The following FRMD4A variants were observed in gnomAD, a reference collection of about 807,000 sequenced individuals.
FRMD4A encodes the protein FERM domain-containing protein 4A.
FRMD4A carries 29 observed loss-of-function variants against 129.1 expected under a neutral mutation model. The observed-to-expected ratio is 0.22, with a 90% CI of 0.17 to 0.31. The LOEUF is 0.31. Among genes scored for constraint, FRMD4A ranks in the 10% least tolerant of loss-of-function variants. FRMD4A has a pLI of 1.00. For missense variants in FRMD4A, 1,272 were observed against 1,375.8 expected, an observed-to-expected ratio of 0.92 and a Z score of 1.19; for synonymous variants, 634 against 571.6, an observed-to-expected ratio of 1.11 and a Z score of -1.56.
intron 2 of FRMD4A, among the ~76,000 whole-genome samples, chr10:13,887,811 T>C (rs2094642803): frequency 6.6e-6 from 1 of 152,186 alleles, no homozygotes; most frequent in African/African-American, 2.4e-5. Context: ...GTGATAGGGA[T>C]TTTTAAAATA....
intron 2 of FRMD4A, among the ~76,000 whole-genome samples, chr10:14,010,634 C>T (rs1419904423): frequency 1.5e-5 from 2 of 132,032 alleles, no homozygotes; most frequent in Non-Finnish European, 3.2e-5. Flanking sequence ...CGGAGACTTA[C>T]ATATTCAAAA....
At chr10:13,871,774 T>TG (rs1490639480) in intron 2 of FRMD4A, among the ~76,000 whole-genome samples, 9 of 152,180 alleles carry the variant, frequency 5.9e-5, no homozygotes, top group Non-Finnish European at 1.3e-4. Context: ...ATGCCAAGCG[T>TG]GGGAAGGAGG....
intron 2 of FRMD4A, among the ~76,000 whole-genome samples, chr10:14,313,155 C>A (rs762809828): frequency 4.7e-4 from 72 of 151,602 alleles, no homozygotes; most frequent in Non-Finnish European, 1.0e-3. Flanking sequence ...GAGTTCCTGA[C>A]CAGCTTGGGC....
chr10:14,056,728 C>T (rs1214331025), intron 2 of FRMD4A, among the ~76,000 whole-genome samples: 1 of 152,208 alleles, frequency 6.6e-6, no homozygotes, highest in Non-Finnish European at 1.5e-5. Flanking sequence ...GGAGACCTCT[C>T]ACCATCTGCC....
intron 12 of FRMD4A, among the ~76,000 whole-genome samples, chr10:13,733,393 T>C (rs2090435210): frequency 6.6e-6 from 1 of 152,150 alleles, no homozygotes; most frequent in Non-Finnish European, 1.5e-5. Flanking sequence ...CCCTAGAAGC[T>C]AACAAAACTA....
At chr10:14,108,197 G>C (rs973320305) in intron 2 of FRMD4A, among the ~76,000 whole-genome samples, 3 of 152,068 alleles carry the variant, frequency 2.0e-5, no homozygotes, top group African/African-American at 4.8e-5. Flanking sequence ...CTTACTATTA[G>C]CGAGACCAGC....
At chr10:14,033,004 T>C (rs977071278) in intron 2 of FRMD4A, among the ~76,000 whole-genome samples, 1 of 152,202 alleles carries the variant, frequency 6.6e-6, no homozygotes, top group African/African-American at 2.4e-5. Flanking sequence ...CTCCACTACG[T>C]TCTTTTAAGA....
chr10:14,078,995 T>C (rs924637827), intron 2 of FRMD4A, among the ~76,000 whole-genome samples: 1 of 152,230 alleles, frequency 6.6e-6, no homozygotes, highest in Non-Finnish European at 1.5e-5. Flanking sequence ...GAGCTTGAGA[T>C]AGTCAGAGGA....
chr10:13,959,847 C>T (rs1206978577), intron 2 of FRMD4A, among the ~76,000 whole-genome samples: 1 of 152,202 alleles, frequency 6.6e-6, no homozygotes, highest in Non-Finnish European at 1.5e-5. Context: ...CAGGCACTTC[C>T]CCTCGCTCTG....
At chr10:14,281,686 C>A (rs1245118340) in intron 2 of FRMD4A, among the ~76,000 whole-genome samples, 1 of 152,206 alleles carries the variant, frequency 6.6e-6, no homozygotes, top group East Asian at 1.9e-4. Context: ...ACTCCAGAAC[C>A]TTTTACTCTC....
chr10:14,327,098 C>G, intron 2 of FRMD4A: 6 of 397,280 alleles, frequency 1.5e-5, no homozygotes, highest in Non-Finnish European at 2.7e-5. Flanking sequence ...TCCCAGCTGA[C>G]CGCAACCCAG....
intron 2 of FRMD4A, among the ~76,000 whole-genome samples, chr10:13,896,728 A>G (rs2094762808): frequency 6.6e-6 from 1 of 152,222 alleles, no homozygotes; most frequent in African/African-American, 2.4e-5. Context: ...AACTTGATGA[A>G]TAAAATAAAA....
intron 8 of FRMD4A, among the ~76,000 whole-genome samples, chr10:13,756,785 G>A (rs1380273138): frequency 6.6e-6 from 1 of 152,128 alleles, no homozygotes; most frequent in Non-Finnish European, 1.5e-5. Context: ...TTCAGTTAAG[G>A]TCCCTTATAG....
chr10:14,239,394 G>A (rs976982992), intron 2 of FRMD4A, among the ~76,000 whole-genome samples: 33 of 152,256 alleles, frequency 2.2e-4, no homozygotes, highest in African/African-American at 7.0e-4. Context: ...TTGGGAGGCC[G>A]AGGCGGGCGG....
At chr10:14,149,943 G>A (rs1409679883) in intron 2 of FRMD4A, among the ~76,000 whole-genome samples, 3 of 152,216 alleles carry the variant, frequency 2.0e-5, no homozygotes, top group Admixed American at 6.5e-5. Flanking sequence ...AGTTCCACAG[G>A]CTGTACAGGA....
chr10:14,211,786 G>T (rs1013547815), intron 2 of FRMD4A, among the ~76,000 whole-genome samples: 1 of 152,182 alleles, frequency 6.6e-6, no homozygotes, highest in African/African-American at 2.4e-5. Flanking sequence ...TCACAAGAAT[G>T]ATTCAAATTA....
chr10:13,680,273 A>G (rs1219219228), intron 15 of FRMD4A, among the ~76,000 whole-genome samples: 1 of 151,758 alleles, frequency 6.6e-6, no homozygotes, highest in African/African-American at 2.4e-5. Context: ...CCTGGGCAAC[A>G]TGGTGAGACT....
intron 2 of FRMD4A, among the ~76,000 whole-genome samples, chr10:13,970,187 A>G (rs2131380483): frequency 6.6e-6 from 1 of 152,270 alleles, no homozygotes. Context: ...TTTATATATG[A>G]TCTATGACAG....
chr10:14,189,839 C>G (rs1842262867), intron 2 of FRMD4A, among the ~76,000 whole-genome samples: 1 of 152,134 alleles, frequency 6.6e-6, no homozygotes, highest in African/African-American at 2.4e-5. Context: ...TTAATGAGAA[C>G]AATGGCAAAA....
Sources: gnomAD v4.1 joint callset for allele counts (sites outside exome capture counted in the v4.1 genomes callset) on GRCh38, gnomAD v4.1.1 for gene constraint, MANE v1.5 for transcripts, NCBI Gene and HGNC (gene_info 2026-07-23, HGNC 2026-07-21) for gene names.